SLC9A9: variants seen among roughly 807,000 people sequenced by gnomAD.
SLC9A9 encodes sodium/hydrogen exchanger 9.
SLC9A9 carries 62 observed loss-of-function variants against 77.8 expected under a neutral mutation model. The observed-to-expected ratio is 0.80, with a 90% CI of 0.65 to 0.98. The LOEUF is 0.98. Among genes scored for constraint, SLC9A9 ranks in the 50% least tolerant of loss-of-function variants. The probability of loss-of-function intolerance (pLI) is 0.00; values close to 1 mark genes in which losing one functional copy is unlikely to be tolerated. For synonymous variants in SLC9A9, 320 were observed against 283.5 expected (o/e 1.13, Z -1.29); for missense variants, 775 against 774.9 (o/e 1.00, Z 0.00).
chr3:143,324,526 A>G (rs918707829), intron 14 of SLC9A9, among the ~76,000 whole-genome samples: 1 of 152,218 alleles, frequency 6.6e-6, no homozygotes, highest in Non-Finnish European at 1.5e-5. Flanking sequence ...GATGCTCAGT[A>G]AATAGTAGCT....
chr3:143,724,368 C>T (rs868598209), intron 4 of SLC9A9, among the ~76,000 whole-genome samples: 6 of 152,108 alleles, frequency 3.9e-5, no homozygotes, highest in South Asian at 2.1e-4. Context: ...GTTAAGCCTG[C>T]GGAACTGTGA....
intron 4 of SLC9A9, among the ~76,000 whole-genome samples, chr3:143,753,358 A>G (rs938224272): frequency 6.6e-6 from 1 of 152,230 alleles, no homozygotes; most frequent in Non-Finnish European, 1.5e-5. Flanking sequence ...GACATCAAAC[A>G]TTGATTAAAA....
At chr3:143,740,011 C>T (rs1385271020) in intron 4 of SLC9A9, among the ~76,000 whole-genome samples, 1 of 152,120 alleles carries the variant, frequency 6.6e-6, no homozygotes, top group African/African-American at 2.4e-5. Context: ...GTCGGGTTTC[C>T]ATATGGTGAG....
At chr3:143,539,875 TAA>T (rs1491440144) in intron 9 of SLC9A9, among the ~76,000 whole-genome samples, 2 of 123,848 alleles carry the variant, frequency 1.6e-5, no homozygotes, top group Non-Finnish European at 3.5e-5. Context: ...AGTGAAAAAT[TAA>T]GAGAGAGAGA....
At chr3:143,335,614 C>T (rs2031899420) in intron 14 of SLC9A9, among the ~76,000 whole-genome samples, 1 of 152,086 alleles carries the variant, frequency 6.6e-6, no homozygotes, top group Non-Finnish European at 1.5e-5. Context: ...GAAATAAGCT[C>T]TTGTATGAGC....
chr3:143,543,010 C>T (rs2036713245), intron 9 of SLC9A9, among the ~76,000 whole-genome samples: 1 of 152,138 alleles, frequency 6.6e-6, no homozygotes, highest in Non-Finnish European at 1.5e-5. Flanking sequence ...AGTCACTTAC[C>T]ATGTTTTCTC....
intron 14 of SLC9A9, chr3:143,346,953 C>G (rs971398757): frequency 1.3e-5 from 2 of 152,150 alleles, no homozygotes; most frequent in African/African-American, 4.8e-5. Flanking sequence ...TAAATATGCT[C>G]AAGAACAAGT....
chr3:143,743,241 G>GGATGGATGGATGGATGGATA (rs1459309618), intron 4 of SLC9A9, among the ~76,000 whole-genome samples: 138 of 133,674 alleles, frequency 1.0e-3, no homozygotes, highest in African/African-American at 3.5e-3. Context: ...ATGGATGGAT[G>GGATGGATGGATGGATGGATA]GATAGATAGA....
intron 14 of SLC9A9, among the ~76,000 whole-genome samples, chr3:143,346,017 A>G (rs2032261952): frequency 6.6e-6 from 1 of 152,128 alleles, no homozygotes; most frequent in Non-Finnish European, 1.5e-5. Flanking sequence ...CTGAATGCAA[A>G]GATTTTTTTT....
chr3:143,368,926 GC>G (rs1453570965), intron 13 of SLC9A9, among the ~76,000 whole-genome samples: 1 of 152,016 alleles, frequency 6.6e-6, no homozygotes. Context: ...TTAATTCTTA[GC>G]CTCTGCATAG....
chr3:143,653,419 GA>G (rs924628925), intron 5 of SLC9A9, among the ~76,000 whole-genome samples: 7 of 152,174 alleles, frequency 4.6e-5, no homozygotes, highest in African/African-American at 7.2e-5. Flanking sequence ...GAGGGAGGTT[GA>G]AAATGATATT....
chr3:143,726,663 G>A (rs897034344), intron 4 of SLC9A9, among the ~76,000 whole-genome samples: 1 of 152,000 alleles, frequency 6.6e-6, no homozygotes, highest in Non-Finnish European at 1.5e-5. Flanking sequence ...GGTTAGCAGA[G>A]GTGAATGTAC....
At chr3:143,779,842 T>C (rs901018529) in intron 4 of SLC9A9, among the ~76,000 whole-genome samples, 2 of 152,258 alleles carry the variant, frequency 1.3e-5, no homozygotes, top group African/African-American at 2.4e-5. Flanking sequence ...AGACGTCCTA[T>C]GTATGCAGTA....
intron 2 of SLC9A9, among the ~76,000 whole-genome samples, chr3:143,798,928 T>C (rs1223607655): frequency 6.6e-6 from 1 of 152,094 alleles, no homozygotes; most frequent in Non-Finnish European, 1.5e-5. Context: ...CTCCCCAGGC[T>C]GCTCCTTGCC....
chr3:143,513,895 T>C (rs1157058137), intron 9 of SLC9A9, among the ~76,000 whole-genome samples: 1 of 152,212 alleles, frequency 6.6e-6, no homozygotes, highest in African/African-American at 2.4e-5. Flanking sequence ...GCAGGTTTGT[T>C]ACATATGTAT....
intron 4 of SLC9A9, among the ~76,000 whole-genome samples, chr3:143,791,697 A>T (rs1252867871): frequency 6.6e-6 from 1 of 152,204 alleles, no homozygotes; most frequent in Non-Finnish European, 1.5e-5. Flanking sequence ...TCTGCCCAGG[A>T]TCCACTTCCT....
chr3:143,423,608 C>G (rs2108529613), intron 12 of SLC9A9, among the ~76,000 whole-genome samples: 1 of 152,204 alleles, frequency 6.6e-6, no homozygotes, highest in East Asian at 1.9e-4. Context: ...AATGAAAGTC[C>G]ATTTAATAAA....
At chr3:143,734,216 GA>G (rs572500706) in intron 4 of SLC9A9, among the ~76,000 whole-genome samples, 10,447 of 141,164 alleles carry the variant, frequency 0.074, 410 homozygotes, top group African/African-American at 0.093. Flanking sequence ...AATAATAAAA[GA>G]AAAAAAAAAA....
intron 2 of SLC9A9, among the ~76,000 whole-genome samples, chr3:143,800,777 G>A (rs13061222): frequency 0.47 from 72,085 of 151,924 alleles, 17,496 homozygotes; most frequent in South Asian, 0.63. Flanking sequence ...CCTCCTTTGA[G>A]TCTTCCTAAC....
Sources: gnomAD v4.1 joint callset for allele counts (sites outside exome capture counted in the v4.1 genomes callset) on GRCh38, gnomAD v4.1.1 for gene constraint, MANE v1.5 for transcripts, NCBI Gene and HGNC (gene_info 2026-07-23, HGNC 2026-07-21) for gene names.